MS4A14: variants seen among roughly 807,000 people sequenced by gnomAD.
MS4A14 encodes membrane spanning 4-domains A14.
A neutral mutation model predicts 16.7 loss-of-function variants in MS4A14; 18 were observed. The ratio of observed to expected loss-of-function variants is 1.08; its 90% confidence interval spans 0.75 to 1.60. MS4A14 has a LOEUF of 1.60. Ranked by LOEUF, MS4A14 falls within the 40% of genes most tolerant of loss-of-function variation. The probability of loss-of-function intolerance (pLI) is 0.00; values close to 1 mark genes in which losing one functional copy is unlikely to be tolerated. For synonymous variants in MS4A14, 305 were observed against 289.4 expected, an observed-to-expected ratio of 1.05 and a Z score of -0.55; for missense variants, 812 against 775.3, an observed-to-expected ratio of 1.05 and a Z score of -0.56.
chr11:60,398,535 A>G (rs2085663364), intron 2 of MS4A14, among the ~76,000 whole-genome samples: 1 of 152,192 alleles, frequency 6.6e-6, no homozygotes, highest in Non-Finnish European at 1.5e-5. Flanking sequence ...ATAATATTTA[A>G]GGACAGACTC....
At position 60,416,038 on chromosome 11, in the gene MS4A14, C is replaced by G. The variant is rs763521137; in HGVS notation, c.1070C>G (p.Pro357Arg). 3.1e-6 allele frequency: 5 copies of G among 1,613,618 alleles called. No homozygotes were observed. The highest frequency in any genetic ancestry group is 3.3e-5 in the Admixed American group (2 of 59,834). The change falls in exon 5 of 5, where the codon CCT becomes CGT. Residue 357 changes from proline to arginine, a missense_variant. Pro to Arg is a moderately radical substitution (Grantham distance 103). Coordinates refer to ENST00000300187, the MANE Select transcript of MS4A14 (RefSeq NM_032597.5). The stretch of plus-strand genomic sequence containing the variant: ...AATCTGACAGCTAATGACCTGCCCC[C>G]TCAAGGCATACTATCCCAAGACACA... Reference protein sequence around the residue: ...SSNLTANDLPPQGILSQDTSS... With the variant: ...SSNLTANDLPRQGILSQDTSS...
chr11:60,409,049 T>C (rs1432270706), intron 4 of MS4A14, among the ~76,000 whole-genome samples: 1 of 152,190 alleles, frequency 6.6e-6, no homozygotes, highest in Non-Finnish European at 1.5e-5. Context: ...TACATATTTA[T>C]GGGGTACAGT....
rs570252614 is a variant in MS4A14 at position 60,415,472 on chromosome 11, T to C, written c.504T>C (p.Asn168=). ...LFFLPSDVTQ[N]SEQPAPEEND... is the part of the protein sequence containing the mutation. ...TCTTGCCTTCGGATGTTACTCAAAA[T>C]AGTGAACAACCTGCCCCAGAAGAAA... Residue 168 remains asparagine, a synonymous_variant, in exon 5 of 5, where the codon AAT becomes AAC. Transcript: ENST00000300187. The C allele has an allele frequency of 7.4e-6, 12 of 1,612,584 alleles. No homozygotes were observed. The South Asian group carries it at 1.3e-4, about 18-fold the overall frequency.
intron 4 of MS4A14, among the ~76,000 whole-genome samples, chr11:60,408,428 A>C (rs2085820392): frequency 6.6e-6 from 1 of 152,064 alleles, no homozygotes; most frequent in South Asian, 2.1e-4. Flanking sequence ...ATCATCCCCA[A>C]CACAAACTCT....
chr11:60,414,930 ATCT>A (rs1198146178), intron 4 of MS4A14, among the ~76,000 whole-genome samples: 1 of 152,092 alleles, frequency 6.6e-6, no homozygotes, highest in Non-Finnish European at 1.5e-5. Flanking sequence ...GAATTAGGTC[ATCT>A]TCTATGTTCC....
chr11:60,396,630 C>A lies in MS4A14; in HGVS notation c.52C>A (p.Pro18Thr), dbSNP rs781227417. ...RRATHVITIK[P>T]NETVLTAFPY... ...GGCAACTCACGTCATCACTATAAAA[C>A]CAAACGAAACTGTATTGACTGCATT... is the stretch of plus-strand genomic sequence containing the variant. The change falls in exon 1 of 5, where the codon CCA becomes ACA. Residue 18 changes from proline to threonine, a missense_variant. By Grantham distance (38) the Pro-to-Thr change is conservative (BLOSUM62 -1). Coordinates refer to ENST00000300187, the MANE Select transcript of MS4A14 (RefSeq NM_032597.5). 1 of 1,614,040 alleles carries A rather than the reference C, an allele frequency of 6.2e-7. No homozygotes were observed. The highest frequency in any genetic ancestry group is 2.2e-5 in the East Asian group (1 of 44,872).
At chr11:60,396,746 A>C in intron 1 of MS4A14, 30 bp downstream of exon 1, 1 of 1,599,190 alleles carries the variant, frequency 6.3e-7, no homozygotes, top group Non-Finnish European at 8.5e-7. Context: ...TAGGTCTTCC[A>C]GAAGGGGAGA....
At position 60,401,843 on chromosome 11, in the gene MS4A14, G is replaced by A. The variant is rs117945400; in HGVS notation, c.319-1069G>A. 4.6e-4 allele frequency among the ~76,000 whole-genome samples: 70 copies of A among 152,268 alleles called. 1 individual carries two copies. The East Asian group carries it at 9.6e-3, about 21-fold the overall frequency. On this transcript the variant is annotated intron_variant, in intron 3 of 4. Coordinates refer to ENST00000300187, the MANE Select transcript of MS4A14 (RefSeq NM_032597.5). ...AGAGATGGCCTATCTATATGTTCCT[G>A]TGCATTTTCTGCCAAAGTGCCTATT...
intron 2 of MS4A14, among the ~76,000 whole-genome samples, chr11:60,398,402 C>G (rs1224575474): frequency 2.0e-5 from 3 of 152,212 alleles, no homozygotes; most frequent in African/African-American, 7.2e-5. Flanking sequence ...CATCCTCCTT[C>G]TTAGCCCCAG....
intron 2 of MS4A14, 108 bp downstream of exon 2, chr11:60,398,088 A>G: frequency 8.3e-7 from 1 of 1,198,390 alleles, no homozygotes; most frequent in Non-Finnish European, 1.1e-6. Flanking sequence ...CCAGGAGACC[A>G]AAAAAGGCAG....
intron 4 of MS4A14, among the ~76,000 whole-genome samples, chr11:60,411,882 G>C (rs2085874666): frequency 6.6e-6 from 1 of 152,082 alleles, no homozygotes; most frequent in Non-Finnish European, 1.5e-5. Context: ...TCACCACTGA[G>C]TATGATATTA....
At position 60,417,166 on chromosome 11, in the gene MS4A14, A is replaced by C; in HGVS notation, c.*158A>C. ...ACGCAACAGCCCAACATAACCTAGAATGTCAAGACACTCAAGATAAAGACC... is the reference window on the plus strand; with the variant it reads ...ACGCAACAGCCCAACATAACCTAGACTGTCAAGACACTCAAGATAAAGACC... On this transcript the variant is annotated 3_prime_UTR_variant, in exon 5 of 5. Coordinates refer to ENST00000300187, the MANE Select transcript of MS4A14 (RefSeq NM_032597.5). 1.2e-6 allele frequency: 1 copy of C among 821,266 alleles called. No individual in the cohort carries two copies. The highest frequency in any genetic ancestry group is 1.8e-6 in the Non-Finnish European group (1 of 550,428). The allele number at this position is 821,266 out of a possible 1,614,324, so 50.9% of individuals were successfully genotyped here.
intron 4 of MS4A14, among the ~76,000 whole-genome samples, chr11:60,410,013 T>C (rs2085846045): frequency 6.6e-6 from 1 of 152,118 alleles, no homozygotes; most frequent in African/African-American, 2.4e-5. Context: ...CACACCCACA[T>C]AAATTTTTAT....
At chr11:60,408,979 AG>A (rs202107658) in intron 4 of MS4A14, among the ~76,000 whole-genome samples, 1,609 of 152,252 alleles carry the variant, frequency 0.011, 75 homozygotes, top group Admixed American at 0.08. Flanking sequence ...ACAGGGGAAA[AG>A]GGGGAGTAAT....
At chr11:60,397,366 T>C (rs1187139673) in intron 1 of MS4A14, among the ~76,000 whole-genome samples, 1 of 152,084 alleles carries the variant, frequency 6.6e-6, no homozygotes, top group Admixed American at 6.6e-5. Context: ...CCACTCTATG[T>C]CATCAAACTT....
intron 4 of MS4A14, 47 bp downstream of exon 4, chr11:60,403,108 AC>A (rs1477661922): frequency 6.4e-7 from 1 of 1,572,406 alleles, no homozygotes; most frequent in Admixed American, 1.7e-5. Context: ...TCTTCTCTGA[AC>A]TGTGTCCATG....
Position 60,397,992 on chromosome 11 carries a change from C to T in MS4A14, c.267+12C>T, listed in dbSNP as rs374950089. 4.0e-5 allele frequency: 65 copies of T among 1,611,672 alleles called. No homozygotes were observed. In the African/African-American group the frequency reaches 5.9e-4, roughly 15 times the overall value. ...GGGGAGCACTTATTGTGAGTACTGT[C>T]GATTAGAAGCTTTGGAGAAATTGCT... On this transcript the variant is annotated intron_variant, in intron 2 of 4. Transcript: ENST00000300187.
At chr11:60,402,880 ATTTAT>A in intron 3 of MS4A14, 27 bp from the exon 4 acceptor site, 1 of 1,598,210 alleles carries the variant, frequency 6.3e-7, no homozygotes, top group Non-Finnish European at 8.5e-7. Flanking sequence ...TTTCGATCTT[ATTTAT>A]TTTATCATTT....
chr11:60,403,105 T>C (rs1396810029), intron 4 of MS4A14, 44 bp downstream of exon 4: 2 of 1,578,056 alleles, frequency 1.3e-6, no homozygotes, highest in African/African-American at 1.3e-5. Context: ...AAATCTTCTC[T>C]GAACTGTGTC....
Sources: gnomAD v4.1 joint callset for allele counts (sites outside exome capture counted in the v4.1 genomes callset) on GRCh38, gnomAD v4.1.1 for gene constraint, MANE v1.5 for transcripts, NCBI Gene and HGNC (gene_info 2026-07-23, HGNC 2026-07-21) for gene names.